The following SP4 variants were observed in gnomAD, a reference collection of about 807,000 sequenced individuals.
SP4 encodes the protein Sp4 transcription factor.
Under a neutral mutation model 72.8 loss-of-function variants are expected in SP4, and 19 were observed. The observed-to-expected ratio is 0.26, with a 90% CI of 0.18 to 0.38. The LOEUF is 0.38. Ranked by LOEUF, SP4 falls within the 10% of genes least tolerant of loss-of-function variation. The pLI is 1.00. For missense variants in SP4, 1,008 were observed against 926.3 expected (o/e 1.09, Z -1.14); for synonymous variants, 395 against 333.1 (o/e 1.19, Z -2.02).
chr7:21,469,891 C>CAA (rs139533209), intron 3 of SP4, among the ~76,000 whole-genome samples: 2 of 144,758 alleles, frequency 1.4e-5, no homozygotes, highest in South Asian at 2.2e-4. Context: ...ATACTCTTTT[C>CAA]AAAAAAAAAA....
At chr7:21,510,650 G>A (rs552154688) in intron 5 of SP4, among the ~76,000 whole-genome samples, 8 of 152,296 alleles carry the variant, frequency 5.3e-5, no homozygotes, top group African/African-American at 1.9e-4. Context: ...CAGTTTTGAA[G>A]AAGAGTGGAC....
At chr7:21,438,852 G>A (rs1022200772) in intron 3 of SP4, among the ~76,000 whole-genome samples, 3 of 152,102 alleles carry the variant, frequency 2.0e-5, no homozygotes, top group Admixed American at 1.3e-4. Flanking sequence ...CAACTGCTGT[G>A]GTATCACAGT....
At position 21,443,333 on chromosome 7, in the gene SP4, G is replaced by A. The variant is rs926325181; in HGVS notation, c.1678+12490G>A. On this transcript the variant is annotated intron_variant, in intron 3 of 5. Transcript: ENST00000222584. Reference sequence around the variant, plus strand: ...TAAAGGAGTGAGAGAGTTTACGATCGTAAAAGGAAAAGTGATGAGTAAACG... The same window carrying A: ...TAAAGGAGTGAGAGAGTTTACGATCATAAAAGGAAAAGTGATGAGTAAACG... Among the ~76,000 whole-genome samples the A allele has an allele frequency of 3.3e-5, 5 of 152,114 alleles. No homozygotes were observed. In the East Asian group the frequency reaches 5.8e-4, roughly 18 times the overall value.
At chr7:21,456,096 G>T (rs555783944) in intron 3 of SP4, among the ~76,000 whole-genome samples, 1 of 152,292 alleles carries the variant, frequency 6.6e-6, no homozygotes, top group East Asian at 1.9e-4. Context: ...GCAGCCCTTG[G>T]ATTTGAGGGG....
At chr7:21,455,043 G>A (rs977426222) in intron 3 of SP4, among the ~76,000 whole-genome samples, 1 of 152,116 alleles carries the variant, frequency 6.6e-6, no homozygotes, top group Non-Finnish European at 1.5e-5. Context: ...ACTGTTGATG[G>A]CAACAATGTC....
chr7:21,487,762 ATGGTGGTGGTGGTGG>A (rs745424097), intron 5 of SP4, among the ~76,000 whole-genome samples: 5 of 71,170 alleles, frequency 7.0e-5, no homozygotes, highest in African/African-American at 1.4e-4. Context: ...GATGATGATG[ATGGTGGTGGTGGTGG>A]TGGTGGTGGT....
chr7:21,449,878 T>G (rs1783538476), intron 3 of SP4, among the ~76,000 whole-genome samples: 2 of 152,220 alleles, frequency 1.3e-5, no homozygotes, highest in South Asian at 4.1e-4. Context: ...CTTGCCTTTC[T>G]CAAGGGAATA....
intron 3 of SP4, among the ~76,000 whole-genome samples, chr7:21,455,662 C>T (rs562185959): frequency 3.3e-5 from 5 of 152,250 alleles, no homozygotes; most frequent in South Asian, 2.1e-4. Flanking sequence ...CTTGGGGTTA[C>T]GGAATGAACC....
chr7:21,502,196 A>C (rs1000088740), intron 5 of SP4, among the ~76,000 whole-genome samples: 2 of 152,196 alleles, frequency 1.3e-5, no homozygotes, highest in Admixed American at 1.3e-4. Flanking sequence ...CACAAGTCCC[A>C]GTCCAATTGG....
chr7:21,480,264 G>A (rs779122784), intron 4 of SP4, among the ~76,000 whole-genome samples: 6 of 152,090 alleles, frequency 3.9e-5, no homozygotes, highest in Non-Finnish European at 7.4e-5. Flanking sequence ...TGATAATACT[G>A]GCTTCATAGA....
intron 3 of SP4, among the ~76,000 whole-genome samples, chr7:21,475,585 T>C (rs1784476624): frequency 6.6e-6 from 1 of 152,042 alleles, no homozygotes; most frequent in African/African-American, 2.4e-5. Flanking sequence ...GCCTCCTGAG[T>C]AGCGAGTAGC....
chr7:21,442,023 TGTGTGTGTG>T (rs1783266639), intron 3 of SP4, among the ~76,000 whole-genome samples: 1 of 127,964 alleles, frequency 7.8e-6, no homozygotes, highest in African/African-American at 3.0e-5. Context: ...TGTGTGTGTG[TGTGTGTGTG>T]TGTGTATTTT....
intron 5 of SP4, among the ~76,000 whole-genome samples, chr7:21,490,758 C>G (rs1416807667): frequency 2.1e-4 from 32 of 152,184 alleles, no homozygotes; most frequent in Admixed American, 2.1e-3. Context: ...AGAACCACAG[C>G]AAAGGCCTCA....
At chr7:21,475,885 A>G (rs909757006) in intron 3 of SP4, among the ~76,000 whole-genome samples, 7 of 152,222 alleles carry the variant, frequency 4.6e-5, no homozygotes, top group African/African-American at 1.7e-4. Flanking sequence ...ATTCTTTCAT[A>G]AATTGGTATT....
intron 3 of SP4, 48 bp from the exon 4 acceptor site, chr7:21,477,031 T>G: frequency 1.4e-6 from 2 of 1,405,586 alleles, no homozygotes; most frequent in Non-Finnish European, 2.0e-6. Flanking sequence ...AATCCTTTCT[T>G]TAGGTGTAGA....
intron 4 of SP4, among the ~76,000 whole-genome samples, chr7:21,478,445 C>T (rs1421674261): frequency 1.3e-5 from 2 of 152,042 alleles, no homozygotes; most frequent in Admixed American, 6.5e-5. Context: ...AGGAACTTAC[C>T]GACTGTTTTC....
intron 5 of SP4, among the ~76,000 whole-genome samples, chr7:21,502,956 C>G (rs1393358513): frequency 6.6e-6 from 1 of 152,092 alleles, no homozygotes; most frequent in Non-Finnish European, 1.5e-5. Context: ...GTGACCCATG[C>G]ACTTTCCACT....
At chr7:21,464,602 A>G (rs1784110708) in intron 3 of SP4, among the ~76,000 whole-genome samples, 2 of 138,930 alleles carry the variant, frequency 1.4e-5, no homozygotes, top group African/African-American at 2.7e-5. Context: ...TTTTTTAGAG[A>G]TGGGGTCTTA....
At chr7:21,479,994 G>A (rs1384894183) in intron 4 of SP4, among the ~76,000 whole-genome samples, 8 of 151,604 alleles carry the variant, frequency 5.3e-5, no homozygotes, top group Non-Finnish European at 8.8e-5. Flanking sequence ...TTTTTTGTTT[G>A]TTTGTTTGTT....
Sources: gnomAD v4.1 joint callset for allele counts (sites outside exome capture counted in the v4.1 genomes callset) on GRCh38, gnomAD v4.1.1 for gene constraint, MANE v1.5 for transcripts, NCBI Gene and HGNC (gene_info 2026-07-23, HGNC 2026-07-21) for gene names.